MTRF1: variants seen among roughly 807,000 people sequenced by gnomAD.
MTRF1 encodes the protein mitochondrial translation release factor 1.
MTRF1 carries 51 observed loss-of-function variants against 62.9 expected under a neutral mutation model. The ratio of observed to expected loss-of-function variants is 0.81; its 90% CI spans 0.65 to 1.02. The LOEUF (loss-of-function observed/expected upper bound fraction) is 1.02. Among genes scored for constraint, MTRF1 ranks in the 50% least tolerant of loss-of-function variants. The probability of loss-of-function intolerance (pLI) is 0.00; values close to 1 mark genes in which losing one functional copy is unlikely to be tolerated. For synonymous variants in MTRF1, 158 were observed against 181.9 expected, an observed-to-expected ratio of 0.87 and a Z score of 1.06; for missense variants, 446 against 530.0, an observed-to-expected ratio of 0.84 and a Z score of 1.56.
chr13:41,294,840 A>C, the MTRF1 span, among the ~76,000 whole-genome samples: 1 of 152,234 alleles, frequency 6.6e-6, no homozygotes, highest in Non-Finnish European at 1.5e-5. Flanking sequence ...ATTACTTATA[A>C]GTCTTTCTAA....
chr13:41,273,117 G>C, the MTRF1 span, among the ~76,000 whole-genome samples: 1 of 152,030 alleles, frequency 6.6e-6, no homozygotes, highest in Non-Finnish European at 1.5e-5. Flanking sequence ...ACGAGGTCAG[G>C]AGATCGAGAC....
chr13:41,299,166 C>A, the MTRF1 span, among the ~76,000 whole-genome samples: 4 of 150,544 alleles, frequency 2.7e-5, no homozygotes, highest in African/African-American at 9.8e-5. Context: ...GCACTCCAGC[C>A]TGGGTGACAG....
chr13:41,263,316 G>GT (rs1278455310), intron 1 of MTRF1, 169 bp downstream of exon 1: 1 of 1,288,976 alleles, frequency 7.8e-7, no homozygotes, highest in Admixed American at 2.3e-5. Context: ...CACAGTAACA[G>GT]TATTACTCTG....
the MTRF1 span, among the ~76,000 whole-genome samples, chr13:41,281,513 A>G: frequency 2.2e-4 from 33 of 152,134 alleles, no homozygotes; most frequent in Non-Finnish European, 2.8e-4. Flanking sequence ...CTCACTTGCC[A>G]ACCATGTTCA....
chr13:41,259,273 T>A (rs570465303), intron 2 of MTRF1, among the ~76,000 whole-genome samples: 18 of 152,260 alleles, frequency 1.2e-4, no homozygotes, highest in Middle Eastern at 3.4e-3. Flanking sequence ...CAAAACAACT[T>A]GTACACAAAA....
At chr13:41,233,509 A>C (rs1383621766) in intron 7 of MTRF1, among the ~76,000 whole-genome samples, 1 of 152,230 alleles carries the variant, frequency 6.6e-6, no homozygotes, top group Admixed American at 6.5e-5. Flanking sequence ...CAATATTCAA[A>C]ATAAAAGCAT....
Position 41,249,666 on chromosome 13 carries a change from G to A in MTRF1, c.697+2979C>T, listed in dbSNP as rs1366268956. Among the ~76,000 whole-genome samples the A allele has an allele frequency of 9.2e-5, 9 of 98,206 alleles. No individual in the cohort carries two copies. The South Asian group carries it at 2.2e-3, about 24-fold the overall frequency. The allele number at this position is 98,206 out of a possible 152,430, so 64.4% of individuals were successfully genotyped here. On this transcript the variant is annotated intron_variant, in intron 5 of 9. Transcript: ENST00000379480. The stretch of plus-strand genomic sequence containing the variant: ...TTTTGGAGATGGGAGTCATTCTGTC[G>A]CCCAGGCTGGAGTGCAGTGGCATGA...
At chr13:41,298,396 T>TTAAATATTTTTTTTTTC in the MTRF1 span, among the ~76,000 whole-genome samples, 1 of 150,518 alleles carries the variant, frequency 6.6e-6, no homozygotes, top group Non-Finnish European at 1.5e-5. Flanking sequence ...ATTACGAAGT[T>TTAAATATTTTTTTTTTC]ACACTCTCAT....
At chr13:41,222,174 T>C (rs1228239469) in intron 9 of MTRF1, among the ~76,000 whole-genome samples, 1 of 152,186 alleles carries the variant, frequency 6.6e-6, no homozygotes, top group African/African-American at 2.4e-5. Context: ...ATCAAAGATT[T>C]CTGTCTGCTG....
intron 1 of MTRF1, chr13:41,261,431 C>T (rs1479358903): frequency 1.3e-5 from 2 of 152,960 alleles, no homozygotes; most frequent in African/African-American, 4.8e-5. Context: ...TGCTTCCTAC[C>T]TGTTCAACAT....
At chr13:41,273,164 A>G in the MTRF1 span, among the ~76,000 whole-genome samples, 6 of 151,978 alleles carry the variant, frequency 3.9e-5, no homozygotes, top group African/African-American at 1.5e-4. Flanking sequence ...GTCTCTACTA[A>G]AAATACAAAA....
chr13:41,298,562 C>T, the MTRF1 span, among the ~76,000 whole-genome samples: 1 of 152,222 alleles, frequency 6.6e-6, no homozygotes, highest in Admixed American at 6.5e-5. Flanking sequence ...GTCCTTTAAA[C>T]AATTTCTCCA....
the MTRF1 span, among the ~76,000 whole-genome samples, chr13:41,276,552 T>C: frequency 6.6e-6 from 1 of 152,212 alleles, no homozygotes; most frequent in Non-Finnish European, 1.5e-5. Context: ...TTTTTTTTTA[T>C]ACTTACTGAA....
the MTRF1 span, among the ~76,000 whole-genome samples, chr13:41,304,217 T>A: frequency 6.6e-6 from 1 of 152,212 alleles, no homozygotes; most frequent in Admixed American, 6.5e-5. Context: ...CCTTGTGGAC[T>A]GAGAAACTTT....
chr13:41,225,209 C>CAAAAA (rs11461910), intron 8 of MTRF1, among the ~76,000 whole-genome samples: 1 of 116,068 alleles, frequency 8.6e-6, no homozygotes, highest in Admixed American at 9.0e-5. Context: ...GAATCTGTCT[C>CAAAAA]AAAAAAAAAA....
At chr13:41,244,484 AT>A (rs1219684432) in intron 5 of MTRF1, among the ~76,000 whole-genome samples, 1 of 152,102 alleles carries the variant, frequency 6.6e-6, no homozygotes, top group Non-Finnish European at 1.5e-5. Context: ...AGATGTTAGT[AT>A]TTGTCACAGG....
chr13:41,301,720 CCTGGG>C, the MTRF1 span, among the ~76,000 whole-genome samples: 2 of 151,946 alleles, frequency 1.3e-5, no homozygotes, highest in Non-Finnish European at 2.9e-5. Flanking sequence ...TGCACTCCAG[CCTGGG>C]CAACAGAGTG....
intron 1 of MTRF1, chr13:41,261,777 C>T: frequency 2.0e-6 from 2 of 985,094 alleles, no homozygotes; most frequent in Non-Finnish European, 2.4e-6. Flanking sequence ...AATTTTCACT[C>T]TCAATTGTGC....
chr13:41,220,296 C>T (rs9525465), intron 9 of MTRF1, among the ~76,000 whole-genome samples: 1 of 128,310 alleles, frequency 7.8e-6, no homozygotes, highest in African/African-American at 3.0e-5. Flanking sequence ...GCACTCCAGT[C>T]TGGGCAACAG....
Sources: allele counts gnomAD v4.1 joint callset (sites outside exome capture counted in the v4.1 genomes callset), GRCh38; gene constraint gnomAD v4.1.1; transcripts MANE v1.5; gene names NCBI Gene and HGNC (gene_info 2026-07-23, HGNC 2026-07-21).